Variants in UBAC2 observed in about 807,000 individuals in gnomAD.
The protein encoded by UBAC2 is UBA domain containing 2.
A neutral mutation model predicts 44.0 loss-of-function variants in UBAC2; 26 were observed. The ratio of observed to expected loss-of-function variants is 0.59; its 90% CI spans 0.43 to 0.82. The LOEUF (loss-of-function observed/expected upper bound fraction) is 0.82. UBAC2 is among the 40% of genes least tolerant of loss of function. The pLI is 0.00. For synonymous variants in UBAC2, 155 were observed against 154.3 expected, an observed-to-expected ratio of 1.00 and a Z score of -0.04; for missense variants, 329 against 419.4, an observed-to-expected ratio of 0.78 and a Z score of 1.88.
intron 4 of UBAC2, chr13:99,308,545 T>C (rs1233022144): frequency 6.6e-6 from 1 of 152,220 alleles, no homozygotes; most frequent in Non-Finnish European, 1.5e-5. Flanking sequence ...ATTTAGATGC[T>C]TGAGTAAACT....
intron 1 of UBAC2, among the ~76,000 whole-genome samples, chr13:99,212,125 G>A (rs891443675): frequency 6.6e-6 from 1 of 151,824 alleles, no homozygotes; most frequent in Non-Finnish European, 1.5e-5. Flanking sequence ...AACTTTTTCC[G>A]TTCTCAACCT....
chr13:99,289,907 C>T (rs1046832523), intron 4 of UBAC2, among the ~76,000 whole-genome samples: 3 of 152,182 alleles, frequency 2.0e-5, no homozygotes, highest in African/African-American at 4.8e-5. Flanking sequence ...CGTCTTTTGC[C>T]CCCAACCCAT....
intron 8 of UBAC2, among the ~76,000 whole-genome samples, chr13:99,378,502 G>A (rs1461336427): frequency 1.3e-5 from 2 of 152,158 alleles, no homozygotes; most frequent in Non-Finnish European, 2.9e-5. Flanking sequence ...ACTCCAACCT[G>A]GGTGACTGAG....
chr13:99,203,347 A>G lies in UBAC2; in HGVS notation c.31+2408A>G, dbSNP rs1253775488. 2.0e-5 allele frequency among the ~76,000 whole-genome samples: 3 copies of G among 152,276 alleles called. 1 individual carries two copies. The highest frequency in any genetic ancestry group is 2.4e-5 in the African/African-American group (1 of 41,564). On this transcript the variant is annotated intron_variant, in intron 1 of 8. Transcript: ENST00000403766. ...CACTGCCTATGATTTCCTTTAGATA[A>G]GTTGAGGGACCCTTTAGCAAATCAA...
At chr13:99,305,041 T>C (rs1334418355) in intron 4 of UBAC2, among the ~76,000 whole-genome samples, 1 of 152,186 alleles carries the variant, frequency 6.6e-6, no homozygotes, top group Admixed American at 6.5e-5. Flanking sequence ...TATTTTAAAG[T>C]AAGTAAAGGT....
chr13:99,350,349 G>A (rs1194021776), intron 7 of UBAC2, among the ~76,000 whole-genome samples: 2 of 152,154 alleles, frequency 1.3e-5, no homozygotes, highest in African/African-American at 4.8e-5. Context: ...CTCAGATGGG[G>A]GCTGGTTACC....
At chr13:99,374,128 C>T (rs527240945) in intron 8 of UBAC2, among the ~76,000 whole-genome samples, 3 of 152,230 alleles carry the variant, frequency 2.0e-5, no homozygotes, top group South Asian at 4.1e-4. Flanking sequence ...TGTGAGCTCC[C>T]GCCAGGCAGT....
At chr13:99,275,194 G>A (rs1358358698) in intron 4 of UBAC2, among the ~76,000 whole-genome samples, 2 of 152,156 alleles carry the variant, frequency 1.3e-5, no homozygotes, top group Non-Finnish European at 2.9e-5. Context: ...CTGGCCTAGA[G>A]TCTCTCATGT....
At chr13:99,341,735 G>A (rs766648655) in intron 7 of UBAC2, among the ~76,000 whole-genome samples, 11 of 152,180 alleles carry the variant, frequency 7.2e-5, no homozygotes, top group Non-Finnish European at 1.3e-4. Context: ...TATTTAGCAG[G>A]AGGTAAATCC....
chr13:99,204,357 G>A (rs1036116281), intron 1 of UBAC2, among the ~76,000 whole-genome samples: 21 of 152,114 alleles, frequency 1.4e-4, no homozygotes, highest in African/African-American at 5.1e-4. Context: ...GTGTGGAGAA[G>A]GCCTCTGGGA....
In UBAC2 at chr13:99,281,687, C is replaced by T. The variant is rs78131897; in HGVS notation, c.390-32410C>T. Among the ~76,000 whole-genome samples, 686 of 152,308 alleles carry T rather than the reference C, an allele frequency of 4.5e-3. 5 individuals carry two copies. Among genetic ancestry groups the T allele is most frequent in the African/African-American group, 0.015 (631 of 41,566 alleles). ...AGAGGAAGAGGCTTTTCTTGTCTCACTTATGTCTTGACATTGCCTGAGGAC... is the reference window on the plus strand; with the variant it reads ...AGAGGAAGAGGCTTTTCTTGTCTCATTTATGTCTTGACATTGCCTGAGGAC... On this transcript the variant is annotated intron_variant, in intron 4 of 8. Coordinates refer to ENST00000403766, the MANE Select transcript of UBAC2 (RefSeq NM_001144072.2).
At chr13:99,286,102 C>T (rs1381594024) in intron 4 of UBAC2, among the ~76,000 whole-genome samples, 1 of 152,222 alleles carries the variant, frequency 6.6e-6, no homozygotes, top group Admixed American at 6.5e-5. Flanking sequence ...GGCGCTGGAT[C>T]TGGCCTTCTA....
At chr13:99,385,194 C>T (rs373001460) in intron 8 of UBAC2, 34 bp from the exon 9 acceptor site, 39 of 1,490,334 alleles carry the variant, frequency 2.6e-5, no homozygotes, top group East Asian at 1.6e-4. Context: ...GCAATGTCAG[C>T]GCCCTCAGGT....
intron 4 of UBAC2, among the ~76,000 whole-genome samples, chr13:99,268,046 G>T (rs891257450): frequency 6.6e-6 from 1 of 152,178 alleles, no homozygotes; most frequent in Non-Finnish European, 1.5e-5. Flanking sequence ...GAAAGAAGGG[G>T]CATGCAGGAG....
intron 8 of UBAC2, among the ~76,000 whole-genome samples, chr13:99,378,631 C>A (rs1258269941): frequency 1.3e-5 from 2 of 152,358 alleles, no homozygotes; most frequent in East Asian, 3.9e-4. Flanking sequence ...ATCATTTTAT[C>A]CTCATTTGAC....
intron 7 of UBAC2, among the ~76,000 whole-genome samples, chr13:99,363,637 G>C (rs779924393): frequency 1.3e-5 from 2 of 152,190 alleles, no homozygotes; most frequent in African/African-American, 2.4e-5. Flanking sequence ...CTTCCTGGTC[G>C]GCCCATATTC....
At position 99,243,168 on chromosome 13, in the gene UBAC2, T is replaced by C. The variant is rs371541337; in HGVS notation, c.160-664T>C. Among the ~76,000 whole-genome samples the C allele has an allele frequency of 2.0e-4, 31 of 152,076 alleles. 1 individual carries two copies. The East Asian group carries it at 5.0e-3, about 25-fold the overall frequency. ...TAAGATTAGGATGTTTGAGATGTCA[T>C]TGGGATTATCTTTAAAAATCTGAAA... is the stretch of plus-strand genomic sequence containing the variant. On this transcript the variant is annotated intron_variant, in intron 2 of 8. Coordinates refer to ENST00000403766, the MANE Select transcript of UBAC2 (RefSeq NM_001144072.2).
intron 4 of UBAC2, among the ~76,000 whole-genome samples, chr13:99,252,913 G>A (rs2043476623): frequency 6.6e-6 from 1 of 151,892 alleles, no homozygotes; most frequent in South Asian, 2.1e-4. Context: ...TTCTTATCAA[G>A]ACAAGCTATG....
chr13:99,233,358 T>C (rs9517655), intron 1 of UBAC2, among the ~76,000 whole-genome samples: 147,937 of 152,236 alleles, frequency 0.97, 72,012 homozygotes, highest in East Asian at 1. Flanking sequence ...TGATCTGCTC[T>C]CCTCGGTCTC....
Sources: gnomAD v4.1 joint callset for allele counts (sites outside exome capture counted in the v4.1 genomes callset) on GRCh38, gnomAD v4.1.1 for gene constraint, MANE v1.5 for transcripts, NCBI Gene and HGNC (gene_info 2026-07-23, HGNC 2026-07-21) for gene names.